The following LRP8 variants were observed in gnomAD, a reference collection of about 807,000 sequenced individuals.
LRP8 encodes the protein LDL receptor related protein 8, also known as low-density lipoprotein receptor-related protein 8.
Under a neutral mutation model 111.6 loss-of-function variants are expected in LRP8, and 46 were observed. That is an observed-to-expected ratio of 0.41 (90% CI 0.33 to 0.53). LRP8 has a LOEUF of 0.53. LRP8 is among the 20% of genes least tolerant of loss of function. The probability of loss-of-function intolerance (pLI) is 0.20; values close to 1 mark genes in which losing one functional copy is unlikely to be tolerated. For synonymous variants in LRP8, 464 were observed against 511.2 expected (o/e 0.91, Z 1.24); for missense variants, 959 against 1,297.4 (o/e 0.74, Z 4.01).
chr1:53,272,119 A>T (rs1295311604), intron 6 of LRP8, among the ~76,000 whole-genome samples: 1 of 152,026 alleles, frequency 6.6e-6, no homozygotes, highest in East Asian at 2.0e-4. Context: ...ACATGGAGCC[A>T]TTGCTAAATC....
At chr1:53,263,461 T>TA (rs1311099343) in intron 10 of LRP8, among the ~76,000 whole-genome samples, 2 of 152,080 alleles carry the variant, frequency 1.3e-5, no homozygotes, top group African/African-American at 4.8e-5. Flanking sequence ...GATATAACGC[T>TA]AAAAAAACCA....
In LRP8 at chr1:53,279,589, T is replaced by G. The variant is rs1647039168; in HGVS notation, c.496+998A>C. Among the ~76,000 whole-genome samples, 1 of 152,154 alleles carries G rather than the reference T, an allele frequency of 6.6e-6. No homozygotes were observed. Among genetic ancestry groups the G allele is most frequent in the Non-Finnish European group, 1.5e-5 (1 of 68,024 alleles). On this transcript the variant is annotated intron_variant, in intron 4 of 18. Coordinates refer to ENST00000306052, the MANE Select transcript of LRP8 (RefSeq NM_004631.5). The surrounding 1 kb of genome is among the most constrained non-coding windows in gnomAD (Gnocchi z 4.4). ...CTTCAGACACATCAAATTCCAGACT[T>G]AGAATCTTAAAGTGTGACGACTCAG... is the stretch of plus-strand genomic sequence containing the variant.
Position 53,262,283 on chromosome 1 carries a change from C to T in LRP8, c.1775-76G>A. 1 of 1,586,732 alleles carries T rather than the reference C, an allele frequency of 6.3e-7. No individual in the cohort carries two copies. Among genetic ancestry groups the T allele is most frequent in the East Asian group, 2.2e-5 (1 of 44,604 alleles). On this transcript the variant is annotated intron_variant, in intron 11 of 18. Coordinates refer to ENST00000306052, the MANE Select transcript of LRP8 (RefSeq NM_004631.5). The surrounding 1 kb of genome is among the most constrained non-coding windows in gnomAD (Gnocchi z 4.8). ...CTCTGTTCCTTTGTACCTCTCCCTG[C>T]CCACATTTCTAGGCCTCACACTGAG...
At position 53,280,730 on chromosome 1, in the gene LRP8, G is replaced by A. The variant is rs776149572; in HGVS notation, c.368-15C>T. On this transcript the variant is annotated splice_polypyrimidine_tract_variant and intron_variant, in intron 3 of 18. Coordinates refer to ENST00000306052, the MANE Select transcript of LRP8 (RefSeq NM_004631.5). The stretch of plus-strand genomic sequence containing the variant: ...CACCTGCTTGGCTGTGGAGACAGAC[G>A]TCCATGCATAGCTTAGCCAAGGGGG... 150 of 1,609,652 alleles carry A rather than the reference G, an allele frequency of 9.3e-5. No individual in the cohort carries two copies. The highest frequency in any genetic ancestry group is 1.6e-4 in the Middle Eastern group (1 of 6,082).
chr1:53,271,053 T>C lies in LRP8; in HGVS notation c.1227A>G (p.Leu409=). The stretch of plus-strand genomic sequence containing the variant: ...CAGCAGCCTTGCAGTTCTTGGTCAG[T>C]AGGTCCATCTCGTAGCCAGGGTAGC... ...CECYPGYEMD[L]LTKNCKAAAG... The change falls in exon 8 of 19, where the codon CTA becomes CTG. Residue 409 remains leucine (L), a synonymous_variant. Transcript: ENST00000306052. The C allele has an allele frequency of 6.2e-7, 1 of 1,614,018 alleles. No individual in the cohort carries two copies. The highest frequency in any genetic ancestry group is 8.5e-7 in the Non-Finnish European group (1 of 1,180,004).
chr1:53,262,314 C>T lies in LRP8; in HGVS notation c.1775-107G>A, dbSNP rs747198472. The stretch of plus-strand genomic sequence containing the variant: ...TTTCTAGGCCTCACACTGAGGCCAG[C>T]CTACGGCAACCATTAGGAAACAAAG... On this transcript the variant is annotated intron_variant, in intron 11 of 18. Coordinates refer to ENST00000306052, the MANE Select transcript of LRP8 (RefSeq NM_004631.5). The surrounding 1 kb of genome is among the most constrained non-coding windows in gnomAD (Gnocchi z 4.8). 2.0e-6 allele frequency: 3 copies of T among 1,522,274 alleles called. No individual in the cohort carries two copies. Among genetic ancestry groups the T allele is most frequent in the Non-Finnish European group, 2.7e-6 (3 of 1,108,372 alleles). The allele number at this position is 1,522,274 out of a possible 1,614,324, so 94.3% of individuals were successfully genotyped here.
At chr1:53,300,142 C>G (rs2782498) in intron 2 of LRP8, among the ~76,000 whole-genome samples, 63,992 of 152,132 alleles carry the variant, frequency 0.42, 13,876 homozygotes, top group East Asian at 0.68. Context: ...ACAGTTCAAC[C>G]TGCCCTGCTA....
At chr1:53,268,522 T>G (rs1646657985) in intron 8 of LRP8, 2 of 152,222 alleles carry the variant, frequency 1.3e-5, no homozygotes, top group Non-Finnish European at 2.9e-5. Flanking sequence ...GTTACAGTTT[T>G]TGGGTTTATG....
intron 8 of LRP8, among the ~76,000 whole-genome samples, chr1:53,270,375 G>A (rs956374835): frequency 2.6e-5 from 4 of 152,170 alleles, no homozygotes. Context: ...TGAGGAGGAG[G>A]GGAAGGGCAA....
Position 53,262,619 on chromosome 1 carries a change from T to G in LRP8, c.1656-55A>C. On this transcript the variant is annotated intron_variant, in intron 10 of 18. Transcript: ENST00000306052. The surrounding 1 kb of genome is among the most constrained non-coding windows in gnomAD (Gnocchi z 4.8). ...CTTGCTGGGGACATGACCGGGGTGG[T>G]CTGAGTCACAAGAGCTCAATAACCC... is the stretch of plus-strand genomic sequence containing the variant. 1 of 1,420,802 alleles carries G rather than the reference T, an allele frequency of 7.0e-7. No homozygotes were observed. The highest frequency in any genetic ancestry group is 9.9e-7 in the Non-Finnish European group (1 of 1,006,644). 88.0% of individuals were successfully genotyped at this position (1,420,802 alleles called of 1,614,324 possible).
intron 2 of LRP8, chr1:53,306,027 A>G (rs1358341733): frequency 6.6e-6 from 1 of 152,056 alleles, no homozygotes; most frequent in African/African-American, 2.4e-5. Flanking sequence ...CCCCTTCTCT[A>G]TTCTATTGGG....
At chr1:53,308,304 A>G (rs1295201293) in intron 2 of LRP8, among the ~76,000 whole-genome samples, 1 of 152,218 alleles carries the variant, frequency 6.6e-6, no homozygotes, top group East Asian at 1.9e-4. Context: ...TGCTCACCGC[A>G]TCTCCAGGCA....
At chr1:53,264,818 A>G (rs926924016) in intron 9 of LRP8, among the ~76,000 whole-genome samples, 2 of 152,148 alleles carry the variant, frequency 1.3e-5, no homozygotes, top group Admixed American at 1.3e-4. Flanking sequence ...GCTTGTGCAA[A>G]TGGCCAGAGG....
chr1:53,272,633 G>T (rs1646794741), intron 6 of LRP8: 1 of 1,289,522 alleles, frequency 7.8e-7, no homozygotes, highest in Non-Finnish European at 1.0e-6. Flanking sequence ...TCCCAGGAAT[G>T]TTGGCGGAAC....
chr1:53,278,355 C>G (rs1208195750), intron 4 of LRP8, among the ~76,000 whole-genome samples: 2 of 152,230 alleles, frequency 1.3e-5, no homozygotes, highest in Non-Finnish European at 2.9e-5. Context: ...CGGTGGGGCA[C>G]TGATGCAGTG....
chr1:53,264,270 A>AGGG lies in LRP8; in HGVS notation c.1553_1554insCCC (p.Asn518_Lys519insPro). 1 of 1,614,128 alleles carries AGGG rather than the reference A, an allele frequency of 6.2e-7. No individual in the cohort carries two copies. The highest frequency in any genetic ancestry group is 2.2e-5 in the East Asian group (1 of 44,874). The stretch of plus-strand genomic sequence containing the variant: ...CAACTGTGGCCACTGAGATGGTCTT[A>AGGG]TTGCCCGAGTCAGTCCAGTAGATGT... On this transcript the variant is annotated inframe_insertion, in exon 10 of 19. Transcript: ENST00000306052.
intron 3 of LRP8, among the ~76,000 whole-genome samples, chr1:53,287,565 C>A (rs768494882): frequency 6.6e-6 from 1 of 152,164 alleles, no homozygotes; most frequent in Non-Finnish European, 1.5e-5. Flanking sequence ...TGGGGTGCTG[C>A]CTTGGCTACT....
intron 6 of LRP8, among the ~76,000 whole-genome samples, chr1:53,274,158 G>T (rs1221144293): frequency 6.6e-6 from 1 of 152,196 alleles, no homozygotes; most frequent in Non-Finnish European, 1.5e-5. Context: ...TGGCCTCCAA[G>T]TCTGGTCTCC....
In LRP8 at chr1:53,327,935, CCGCGCCCCG is replaced by C. The variant is rs1655402849; in HGVS notation, c.-32_-24del. ...CATGGCGGGCCCGGGGCTCCGGCCG[CCGCGCCCCG>C]CGCTCCCCGCGCCGCCGCCGCCGCG... is the stretch of plus-strand genomic sequence containing the variant. On this transcript the variant is annotated 5_prime_UTR_variant, in exon 1 of 19. Coordinates refer to ENST00000306052, the MANE Select transcript of LRP8 (RefSeq NM_004631.5). The C allele has an allele frequency of 5.2e-6, 6 of 1,157,706 alleles. No individual in the cohort carries two copies. Among genetic ancestry groups the C allele is most frequent in the Non-Finnish European group, 6.4e-6 (6 of 943,420 alleles). 71.7% of individuals were successfully genotyped at this position (1,157,706 alleles called of 1,614,324 possible).
Sources: allele counts gnomAD v4.1 joint callset (sites outside exome capture counted in the v4.1 genomes callset), GRCh38; gene constraint gnomAD v4.1.1; non-coding constraint Gnocchi (gnomAD v3.1); transcripts MANE v1.5; gene names NCBI Gene and HGNC (gene_info 2026-07-23, HGNC 2026-07-21).